ADCY7: variants seen among roughly 807,000 people sequenced by gnomAD.
The protein encoded by ADCY7 is adenylate cyclase 7.
In ADCY7, 72 loss-of-function variants were observed where a neutral mutation model predicts 120.6. That is an observed-to-expected ratio of 0.60 (90% CI 0.49 to 0.73). The LOEUF (loss-of-function observed/expected upper bound fraction) is 0.73, where lower values mean the gene tolerates loss of function less well. Ranked by LOEUF, ADCY7 falls within the 30% of genes least tolerant of loss-of-function variation. The pLI, the probability that ADCY7 is intolerant of heterozygous loss-of-function variation, is 0.00. For synonymous variants in ADCY7, 661 were observed against 628.0 expected (o/e 1.05, Z -0.78); for missense variants, 1,227 against 1,486.0 (o/e 0.83, Z 2.87).
At chr16:50,301,697 G>A (rs935000540) in intron 10 of ADCY7, 1 of 165,272 alleles carries the variant, frequency 6.1e-6, no homozygotes, top group Non-Finnish European at 1.3e-5. Flanking sequence ...ACCCCACGGT[G>A]GAGGAGGCAG....
intron 14 of ADCY7, 26 bp from the exon 15 acceptor site, chr16:50,307,024 C>A: frequency 6.3e-7 from 1 of 1,589,918 alleles, no homozygotes; most frequent in East Asian, 2.2e-5. Context: ...CTGGTGGCCA[C>A]CCCTCACAGT....
chr16:50,312,008 G>T (rs781537093), intron 20 of ADCY7, 28 bp from the exon 21 acceptor site: 3 of 1,612,466 alleles, frequency 1.9e-6, no homozygotes. Flanking sequence ...GCCTGTGGAC[G>T]GGGCGCTTAT....
At chr16:50,287,288 T>C (rs1312920420) in intron 1 of ADCY7, among the ~76,000 whole-genome samples, 1 of 151,878 alleles carries the variant, frequency 6.6e-6, no homozygotes, top group African/African-American at 2.4e-5. Context: ...GTGCTGGGAT[T>C]ACAGGCATGA....
At chr16:50,300,516 C>T (rs1268382545) in intron 8 of ADCY7, among the ~76,000 whole-genome samples, 199 bp from the exon 9 acceptor site, 2 of 152,220 alleles carry the variant, frequency 1.3e-5, no homozygotes, top group South Asian at 2.1e-4. Flanking sequence ...GCTGTGGCCA[C>T]ACCTACTTGT....
In ADCY7 at chr16:50,309,533, C is replaced by T. The variant is rs757392699; in HGVS notation, c.2062-15C>T. ...TTCTTGTCCCTGGACTGATGGGGAC[C>T]TGTCTCCTCTACAGCCCCTGATGCC... is the stretch of plus-strand genomic sequence containing the variant. On this transcript the variant is annotated splice_polypyrimidine_tract_variant and intron_variant, in intron 17 of 25. Transcript: ENST00000673801. 125 of 1,611,554 alleles carry T rather than the reference C, an allele frequency of 7.8e-5. No homozygotes were observed. The highest frequency in any genetic ancestry group is 1.5e-4 in the Admixed American group (9 of 59,918).
intron 21 of ADCY7, 37 bp from the exon 22 acceptor site, chr16:50,312,853 G>A (rs572294771): frequency 1.2e-6 from 2 of 1,610,898 alleles, no homozygotes; most frequent in South Asian, 1.1e-5. Context: ...CCCCTCAAGA[G>A]GTGAAGTGGT....
At chr16:50,252,544 A>G (rs1164720824) in intron 1 of ADCY7, among the ~76,000 whole-genome samples, 1 of 151,824 alleles carries the variant, frequency 6.6e-6, no homozygotes, top group East Asian at 1.9e-4. Flanking sequence ...GCTGTGCCTT[A>G]AGGTCATCAT....
chr16:50,305,743 G>A, intron 13 of ADCY7, 34 bp from the exon 14 acceptor site: 1 of 1,590,720 alleles, frequency 6.3e-7, no homozygotes, highest in Non-Finnish European at 8.6e-7. Flanking sequence ...CCCCTTCCCA[G>A]CCCCCATCTC....
chr16:50,306,051 C>A (rs2036044994), intron 14 of ADCY7, among the ~76,000 whole-genome samples: 1 of 152,212 alleles, frequency 6.6e-6, no homozygotes, highest in South Asian at 2.1e-4. Flanking sequence ...GGCTTCATTC[C>A]ATGACCCAAA....
At chr16:50,290,848 G>A (rs377199703) in intron 3 of ADCY7, among the ~76,000 whole-genome samples, 188 bp downstream of exon 3, 2 of 152,190 alleles carry the variant, frequency 1.3e-5, no homozygotes, top group African/African-American at 4.8e-5. Flanking sequence ...CCACTCGGAC[G>A]CTGGGCTGCA....
In ADCY7 at chr16:50,290,615, G is replaced by A. The variant is rs140480735; in HGVS notation, c.330G>A (p.Val110=). The change falls in exon 3 of 26, where the codon GTG becomes GTA. Residue 110 remains valine (V), a synonymous_variant. Coordinates refer to ENST00000673801, the MANE Select transcript of ADCY7 (RefSeq NM_001114.5). ...CCTGCTTGGTGGCGCTGGGCTATGT[G>A]CTGGTGTTCGACGCATGGACAAAGG... is the stretch of plus-strand genomic sequence containing the variant. ...TWACLVALGY[V]LVFDAWTKAA... 188 of 1,613,998 alleles carry A rather than the reference G, an allele frequency of 1.2e-4. No homozygotes were observed. The highest frequency in any genetic ancestry group is 1.6e-4 in the Non-Finnish European group (185 of 1,180,024).
At chr16:50,312,321 C>A in intron 21 of ADCY7, 130 bp downstream of exon 21, 1 of 1,024,358 alleles carries the variant, frequency 9.8e-7, no homozygotes, top group Non-Finnish European at 1.4e-6. Flanking sequence ...CCGGGATGCC[C>A]AGGCGACAAT....
chr16:50,281,512 G>A (rs2034264684), intron 1 of ADCY7, among the ~76,000 whole-genome samples: 3 of 152,202 alleles, frequency 2.0e-5, no homozygotes, highest in Admixed American at 2.0e-4. Flanking sequence ...TCCCCACCCT[G>A]GGCCTGGTGC....
At chr16:50,278,285 C>T (rs1201145646) in intron 1 of ADCY7, among the ~76,000 whole-genome samples, 1 of 152,198 alleles carries the variant, frequency 6.6e-6, no homozygotes, top group Non-Finnish European at 1.5e-5. Context: ...ATGTGATCTG[C>T]CTGACTCAGC....
At chr16:50,306,986 C>A in intron 14 of ADCY7, 64 bp from the exon 15 acceptor site, 1 of 1,312,092 alleles carries the variant, frequency 7.6e-7, no homozygotes, top group Non-Finnish European at 1.1e-6. Flanking sequence ...AGCTGATTCA[C>A]TGGAGGCAGG....
In ADCY7 at chr16:50,297,347, G is replaced by A. The variant is rs1467989603; in HGVS notation, c.949-1557G>A. Among the ~76,000 whole-genome samples, 1 of 152,346 alleles carries A rather than the reference G, an allele frequency of 6.6e-6. No individual in the cohort carries two copies. Among genetic ancestry groups the A allele is most frequent in the Admixed American group, 6.5e-5 (1 of 15,304 alleles). ...TCAGAGACACAGGGGACTGTCAGCC[G>A]GTGGAGCAGCCGGGGGAATGTGGCC... On this transcript the variant is annotated intron_variant, in intron 7 of 25. Transcript: ENST00000673801. This position sits in a 1 kb window ranked among gnomAD's most constrained non-coding sequence, Gnocchi z 4.4.
Position 50,292,694 on chromosome 16 carries a change from A to G in ADCY7, c.556A>G (p.Ile186Val). Residue 186 changes from isoleucine (I) to valine (V), a missense_variant, in exon 5 of 26, where the codon ATC (isoleucine) becomes GTC (valine). Coordinates refer to ENST00000673801, the MANE Select transcript of ADCY7 (RefSeq NM_001114.5). ...CCCGCAGCTGCTGGCCAACGCAGTC[A>G]TCTTCCTGTGTGGGAACCTGACAGG... ...VGLQLLANAV[I>V]FLCGNLTGAF... 1 of 1,613,898 alleles carries G rather than the reference A, an allele frequency of 6.2e-7. No homozygotes were observed. The highest frequency in any genetic ancestry group is 8.5e-7 in the Non-Finnish European group (1 of 1,179,962).
At chr16:50,281,851 G>A (rs1260484398) in intron 1 of ADCY7, among the ~76,000 whole-genome samples, 5 of 152,194 alleles carry the variant, frequency 3.3e-5, no homozygotes, top group Non-Finnish European at 7.3e-5. Context: ...GCTTCATGGA[G>A]CTCAGGGTCT....
In ADCY7 at chr16:50,293,416, C is replaced by T. The variant is rs1064447; in HGVS notation, c.750C>T (p.Ile250=). The T allele has an allele frequency of 5.6e-6, 9 of 1,613,930 alleles. No individual in the cohort carries two copies. Among genetic ancestry groups the T allele is most frequent in the Non-Finnish European group, 6.8e-6 (8 of 1,180,022 alleles). ...HISMGMKLAI[I]ERLKEHGDRR... is the part of the protein sequence containing the mutation. ...CCATGGGCATGAAGCTGGCCATCATCGAACGGCTCAAGGAGCATGGTGACC... is the reference window on the plus strand; with the variant it reads ...CCATGGGCATGAAGCTGGCCATCATTGAACGGCTCAAGGAGCATGGTGACC... Residue 250 remains isoleucine, a synonymous_variant, in exon 6 of 26, where the codon ATC becomes ATT. Transcript: ENST00000673801.
Sources: allele counts gnomAD v4.1 joint callset (sites outside exome capture counted in the v4.1 genomes callset), GRCh38; gene constraint gnomAD v4.1.1; non-coding constraint Gnocchi (gnomAD v3.1); transcripts MANE v1.5; gene names NCBI Gene and HGNC (gene_info 2026-07-23, HGNC 2026-07-21).